STPG1: variants seen among roughly 807,000 people sequenced by gnomAD.
STPG1 encodes O(6)-methylguanine-induced apoptosis 2.
A neutral mutation model predicts 40.1 loss-of-function variants in STPG1; 33 were observed. That is an observed-to-expected ratio of 0.82 (90% CI 0.62 to 1.10). The LOEUF (loss-of-function observed/expected upper bound fraction) is 1.10, where lower values mean the gene tolerates loss of function less well. Among genes scored for constraint, STPG1 ranks in the 50% least tolerant of loss-of-function variants. The pLI is 0.00. For missense variants in STPG1, 396 were observed against 415.1 expected (o/e 0.95, Z 0.40); for synonymous variants, 150 against 155.0 (o/e 0.97, Z 0.24).
intron 4 of STPG1, among the ~76,000 whole-genome samples, chr1:24,383,325 T>C (rs966133743): frequency 1.3e-5 from 2 of 152,232 alleles, no homozygotes; most frequent in South Asian, 4.1e-4. Flanking sequence ...TTCTTGACAA[T>C]GTATAAACAT....
At chr1:24,366,565 TA>T in intron 7 of STPG1, among the ~76,000 whole-genome samples, 1 of 152,204 alleles carries the variant, frequency 6.6e-6, no homozygotes, top group East Asian at 1.9e-4. Flanking sequence ...GCTTTCCAAA[TA>T]AAATGATAAA....
intron 1 of STPG1, chr1:24,411,869 A>G (rs1314657525): frequency 2.0e-5 from 3 of 152,260 alleles, no homozygotes. Flanking sequence ...ATCAGAACAC[A>G]GTTTAAAAAC....
At chr1:24,408,713 A>G (rs1437853048) in intron 1 of STPG1, among the ~76,000 whole-genome samples, 1 of 152,234 alleles carries the variant, frequency 6.6e-6, no homozygotes, top group East Asian at 1.9e-4. Context: ...TAGCAAGGGC[A>G]CAATTTAATT....
intron 3 of STPG1, among the ~76,000 whole-genome samples, chr1:24,387,912 C>A (rs1642585543): frequency 6.6e-6 from 1 of 152,186 alleles, no homozygotes; most frequent in Non-Finnish European, 1.5e-5. Context: ...ATTTAAACAT[C>A]CCTGGTCTAG....
chr1:24,388,780 T>G (rs1313172599), intron 3 of STPG1, among the ~76,000 whole-genome samples: 2 of 152,238 alleles, frequency 1.3e-5, no homozygotes, highest in South Asian at 2.1e-4. Flanking sequence ...CTTTAACTTC[T>G]CAATGGCCAT....
chr1:24,374,649 G>A (rs1378536523), intron 5 of STPG1, among the ~76,000 whole-genome samples: 3 of 151,406 alleles, frequency 2.0e-5, no homozygotes, highest in African/African-American at 7.3e-5. Flanking sequence ...TTTGGAGACT[G>A]AGTCTCACTG....
chr1:24,387,275 T>C (rs1382310895), intron 3 of STPG1, among the ~76,000 whole-genome samples: 2 of 152,170 alleles, frequency 1.3e-5, no homozygotes, highest in Non-Finnish European at 2.9e-5. Context: ...AGGAGATGTA[T>C]CACAACAGTG....
chr1:24,403,091 A>T lies in STPG1; in HGVS notation c.-68-1635T>A, dbSNP rs372376919. Among the ~76,000 whole-genome samples, 131 of 152,286 alleles carry T rather than the reference A, an allele frequency of 8.6e-4. 1 individual carries two copies. The South Asian group carries it at 0.026, about 31-fold the overall frequency. ...GAAGTTTTATAGTTTTAGCTCTTAC[A>T]TTTAGGCCTAGGATCCATTTTGAAT... On this transcript the variant is annotated intron_variant, in intron 1 of 8. Coordinates refer to ENST00000337248, the MANE Select transcript of STPG1 (RefSeq NM_001199013.2).
chr1:24,404,697 G>A (rs1643350674), intron 1 of STPG1, among the ~76,000 whole-genome samples: 1 of 152,006 alleles, frequency 6.6e-6, no homozygotes, highest in Non-Finnish European at 1.5e-5. Flanking sequence ...GAAACTTACG[G>A]GCATAAAGTC....
chr1:24,391,792 C>A, intron 2 of STPG1, 113 bp from the exon 3 acceptor site: 1 of 1,190,136 alleles, frequency 8.4e-7, no homozygotes, highest in African/African-American at 1.6e-5. Context: ...AGAAGAGAAA[C>A]TTGCCTTTTG....
At chr1:24,372,047 G>A (rs1006084461) in intron 6 of STPG1, among the ~76,000 whole-genome samples, 4 of 152,124 alleles carry the variant, frequency 2.6e-5, no homozygotes, top group East Asian at 3.9e-4. Flanking sequence ...GCGTGGCGGC[G>A]CATGCCTGTA....
At chr1:24,396,507 T>C (rs78743794) in intron 2 of STPG1, among the ~76,000 whole-genome samples, 2,416 of 152,286 alleles carry the variant, frequency 0.016, 66 homozygotes, top group African/African-American at 0.054. Context: ...TGCAGTCTAT[T>C]TATTCTCTGT....
At chr1:24,398,563 A>G (rs1250798914) in intron 2 of STPG1, among the ~76,000 whole-genome samples, 1 of 152,096 alleles carries the variant, frequency 6.6e-6, no homozygotes, top group African/African-American at 2.4e-5. Flanking sequence ...TAAAGTTGTC[A>G]TTTTCACAGA....
intron 4 of STPG1, among the ~76,000 whole-genome samples, chr1:24,380,688 C>G (rs951409751): frequency 1.3e-5 from 2 of 152,168 alleles, no homozygotes; most frequent in Non-Finnish European, 2.9e-5. Flanking sequence ...CGGTCCTCAG[C>G]GTCTGGTTTA....
At chr1:24,402,815 G>A (rs531119932) in intron 1 of STPG1, among the ~76,000 whole-genome samples, 52 of 151,786 alleles carry the variant, frequency 3.4e-4, no homozygotes, top group African/African-American at 1.2e-3. Context: ...GATTTAATTG[G>A]GTTATTTATT....
In STPG1 at chr1:24,373,813, A is replaced by G. The variant is rs762162791; in HGVS notation, c.463-3T>C. The G allele has an allele frequency of 1.9e-6, 3 of 1,597,500 alleles. No homozygotes were observed. The highest frequency in any genetic ancestry group is 3.3e-5 in the Admixed American group (2 of 59,844). On this transcript the variant is annotated splice_polypyrimidine_tract_variant and splice_region_variant and intron_variant, in intron 5 of 8. Transcript: ENST00000337248. The stretch of plus-strand genomic sequence containing the variant: ...TGCTTGCAGCAAGAGACAGAGGCCT[A>G]GGGGGAGAAAATACACCCAATGTAC...
At position 24,399,792 on chromosome 1, in the gene STPG1, A is replaced by C. The variant is rs987505792; in HGVS notation, c.70+1527T>G. ...TTGAACAGTCACTTCTCCAAAGAGA[A>C]TATCCAAAAGGCCAGTCAACATGAA... On this transcript the variant is annotated intron_variant, in intron 2 of 8. Coordinates refer to ENST00000337248, the MANE Select transcript of STPG1 (RefSeq NM_001199013.2). This position sits in a 1 kb window ranked among gnomAD's most constrained non-coding sequence, Gnocchi z 4.0. 6.6e-5 allele frequency among the ~76,000 whole-genome samples: 10 copies of C among 152,190 alleles called. No individual in the cohort carries two copies. The highest frequency in any genetic ancestry group is 2.4e-4 in the African/African-American group (10 of 41,450).
intron 3 of STPG1, among the ~76,000 whole-genome samples, chr1:24,388,075 C>G (rs1383769412): frequency 6.6e-6 from 1 of 152,166 alleles, no homozygotes; most frequent in Non-Finnish European, 1.5e-5. Context: ...CACATGGTAC[C>G]TATGTCCTAC....
chr1:24,404,358 G>A (rs548563625), intron 1 of STPG1, among the ~76,000 whole-genome samples: 2 of 152,278 alleles, frequency 1.3e-5, no homozygotes, highest in East Asian at 3.9e-4. Context: ...TTTTGCATCT[G>A]TGTTTATGAG....
Sources: gnomAD v4.1 joint callset for allele counts (sites outside exome capture counted in the v4.1 genomes callset) on GRCh38, gnomAD v4.1.1 for gene constraint, Gnocchi (gnomAD v3.1) non-coding constraint, MANE v1.5 for transcripts, NCBI Gene and HGNC (gene_info 2026-07-23, HGNC 2026-07-21) for gene names.